BACH2: variants seen among roughly 807,000 people sequenced by gnomAD.
The protein encoded by BACH2 is transcription regulator protein BACH2.
BACH2 carries 5 observed loss-of-function variants against 61.8 expected under a neutral mutation model. That is an observed-to-expected ratio of 0.08 (90% CI 0.04 to 0.17). The LOEUF (loss-of-function observed/expected upper bound fraction) is 0.17. Ranked by LOEUF, BACH2 falls within the 10% of genes least tolerant of loss-of-function variation. The pLI, the probability that BACH2 is intolerant of heterozygous loss-of-function variation, is 1.00. For missense variants in BACH2, 824 were observed against 1,091.1 expected, an observed-to-expected ratio of 0.76 and a Z score of 3.45; for synonymous variants, 446 against 440.1, an observed-to-expected ratio of 1.01 and a Z score of -0.17.
intron 6 of BACH2, among the ~76,000 whole-genome samples, chr6:90,005,511 C>CTTAA (rs1425336516): frequency 1.3e-5 from 2 of 152,238 alleles, no homozygotes; most frequent in African/African-American, 4.8e-5. Flanking sequence ...TTATTTACCA[C>CTTAA]TTAATTCAAA....
chr6:89,990,966 T>C (rs907728052), intron 6 of BACH2, among the ~76,000 whole-genome samples: 3 of 152,226 alleles, frequency 2.0e-5, no homozygotes, highest in African/African-American at 4.8e-5. Flanking sequence ...CACAAAGTTC[T>C]TCTCCTTAGG....
intron 4 of BACH2, among the ~76,000 whole-genome samples, chr6:90,148,477 G>A (rs751901386): frequency 6.6e-6 from 1 of 152,184 alleles, no homozygotes; most frequent in South Asian, 2.1e-4. Context: ...TTTTCATAAT[G>A]CTCTGCCTTG....
At chr6:90,196,169 A>G (rs1768752237) in intron 4 of BACH2, among the ~76,000 whole-genome samples, 1 of 152,156 alleles carries the variant, frequency 6.6e-6, no homozygotes, top group Non-Finnish European at 1.5e-5. Context: ...GGAACAAATA[A>G]GAAAATATGA....
chr6:90,042,214 A>T (rs981113553), intron 5 of BACH2, among the ~76,000 whole-genome samples: 4 of 152,126 alleles, frequency 2.6e-5, no homozygotes, highest in African/African-American at 9.7e-5. Flanking sequence ...TTTTTTTGAG[A>T]CAGGGTCTTG....
chr6:90,020,294 G>T (rs749223437), intron 5 of BACH2, among the ~76,000 whole-genome samples: 3 of 152,124 alleles, frequency 2.0e-5, no homozygotes, highest in Non-Finnish European at 4.4e-5. Context: ...AAATCATGTT[G>T]AAACTTAATC....
At chr6:90,054,445 T>C (rs1780219000) in intron 5 of BACH2, among the ~76,000 whole-genome samples, 2 of 152,150 alleles carry the variant, frequency 1.3e-5, no homozygotes, top group Middle Eastern at 3.4e-3. Flanking sequence ...GCCAAGTTAG[T>C]TGTTTGATTA....
rs1772425241 is a variant in BACH2 at position 89,927,669 on chromosome 6, A to G, written c.*4739T>C. The G allele has an allele frequency of 1.3e-5, 2 of 152,838 alleles. No individual in the cohort carries two copies. The highest frequency in any genetic ancestry group is 4.8e-5 in the African/African-American group (2 of 41,470). The allele number at this position is 152,838 out of a possible 1,614,324, so 9.5% of individuals were successfully genotyped here. A position where few individuals can be genotyped will look rare whatever the true frequency, so the allele number is the denominator to read the frequency against. On this transcript the variant is annotated 3_prime_UTR_variant, in exon 9 of 9. Coordinates refer to ENST00000257749, the MANE Select transcript of BACH2 (RefSeq NM_021813.4). ...CTCTGCAACCAAGTGGGTATTCTTC[A>G]CAAAATGGCAGCATCGTTTTCATAT... is the stretch of plus-strand genomic sequence containing the variant.
chr6:90,046,073 G>A (rs1250113074), intron 5 of BACH2, among the ~76,000 whole-genome samples: 1 of 152,184 alleles, frequency 6.6e-6, no homozygotes, highest in Non-Finnish European at 1.5e-5. Context: ...TGAAGCCTCA[G>A]TATCTCATGT....
At chr6:90,264,538 T>G (rs1035887065) in intron 2 of BACH2, among the ~76,000 whole-genome samples, 2 of 152,192 alleles carry the variant, frequency 1.3e-5, no homozygotes, top group African/African-American at 2.4e-5. Context: ...AGCACCAGGT[T>G]TTCAAATTGT....
Position 89,947,605 on chromosome 6 carries a change from A to G in BACH2, c.1836+2665T>C, listed in dbSNP as rs547014666. On this transcript the variant is annotated intron_variant, in intron 7 of 8. Coordinates refer to ENST00000257749, the MANE Select transcript of BACH2 (RefSeq NM_021813.4). ...TTTTGAGACAGAGTCTCGCTCTGTC[A>G]CCCAGGCAGGAGTGCAGCGGCGCGA... Among the ~76,000 whole-genome samples, 75 of 150,480 alleles carry G rather than the reference A, an allele frequency of 5.0e-4. 1 individual carries two copies. Among genetic ancestry groups the G allele is most frequent in the Admixed American group, 6.0e-4 (9 of 15,072 alleles).
At chr6:90,103,029 A>ATATATATATTT in intron 4 of BACH2, among the ~76,000 whole-genome samples, 10 of 21,164 alleles carry the variant, frequency 4.7e-4, no homozygotes, top group Non-Finnish European at 6.4e-4. Context: ...ATATATATAT[A>ATATATATATTT]TTTTTTTTTT....
chr6:90,053,562 T>C (rs1780162006), intron 5 of BACH2, among the ~76,000 whole-genome samples: 1 of 152,202 alleles, frequency 6.6e-6, no homozygotes. Flanking sequence ...TACAGGTGTG[T>C]GTCACCATAC....
At chr6:90,004,588 T>C (rs949023637) in intron 6 of BACH2, among the ~76,000 whole-genome samples, 1 of 152,218 alleles carries the variant, frequency 6.6e-6, no homozygotes, top group Non-Finnish European at 1.5e-5. Flanking sequence ...AAACCCACTG[T>C]GGGCTGAGCA....
chr6:89,975,198 T>G (rs1775584057), intron 6 of BACH2, among the ~76,000 whole-genome samples: 2 of 152,172 alleles, frequency 1.3e-5, no homozygotes, highest in Non-Finnish European at 2.9e-5. Context: ...AGATGCAGAT[T>G]TTTTCTTTTA....
intron 6 of BACH2, among the ~76,000 whole-genome samples, chr6:89,962,223 G>T (rs1443139349): frequency 6.6e-6 from 1 of 152,102 alleles, no homozygotes; most frequent in Non-Finnish European, 1.5e-5. Context: ...CATCCAGTCT[G>T]GGAGCTTAGC....
At position 89,950,201 on chromosome 6, in the gene BACH2, G is replaced by A. The variant is rs1176711168; in HGVS notation, c.1836+69C>T. The A allele has an allele frequency of 1.9e-6, 3 of 1,543,692 alleles. No individual in the cohort carries two copies. The highest frequency in any genetic ancestry group is 2.7e-6 in the Non-Finnish European group (3 of 1,116,878). ...TAAGAACAATGTGGGAGTGGTGGGGGGCAGGGAGTAGTCCAGATAAAGGGC... is the reference window on the plus strand; with the variant it reads ...TAAGAACAATGTGGGAGTGGTGGGGAGCAGGGAGTAGTCCAGATAAAGGGC... On this transcript the variant is annotated intron_variant, in intron 7 of 8. Coordinates refer to ENST00000257749, the MANE Select transcript of BACH2 (RefSeq NM_021813.4). This position sits in a 1 kb window ranked among gnomAD's most constrained non-coding sequence, Gnocchi z 5.3.
intron 4 of BACH2, among the ~76,000 whole-genome samples, chr6:90,193,493 TC>T (rs1768648856): frequency 6.6e-6 from 1 of 152,194 alleles, no homozygotes; most frequent in South Asian, 2.1e-4. Context: ...GACACCTTGA[TC>T]TTCGACTCCT....
intron 5 of BACH2, among the ~76,000 whole-genome samples, chr6:90,028,618 C>A (rs191091555): frequency 1.8e-4 from 27 of 152,328 alleles, no homozygotes; most frequent in Non-Finnish European, 3.2e-4. Context: ...AAAGATTTCT[C>A]ATCTGTAATC....
At chr6:90,208,083 G>A (rs1769213103) in intron 3 of BACH2, among the ~76,000 whole-genome samples, 1 of 152,114 alleles carries the variant, frequency 6.6e-6, no homozygotes. Context: ...TTAAATGTAA[G>A]ATCTAAAACC....
Sources: gnomAD v4.1 joint callset for allele counts (sites outside exome capture counted in the v4.1 genomes callset) on GRCh38, gnomAD v4.1.1 for gene constraint, Gnocchi (gnomAD v3.1) non-coding constraint, MANE v1.5 for transcripts, NCBI Gene and HGNC (gene_info 2026-07-23, HGNC 2026-07-21) for gene names.